Variants in KDM4C observed in about 807,000 individuals in gnomAD.
KDM4C encodes lysine-specific demethylase 4C.
A neutral mutation model predicts 129.3 loss-of-function variants in KDM4C; 81 were observed. The ratio of observed to expected loss-of-function variants is 0.63; its 90% confidence interval spans 0.52 to 0.75. KDM4C has a LOEUF of 0.75. Among genes scored for constraint, KDM4C ranks in the 30% least tolerant of loss-of-function variants. The pLI is 0.00. For missense variants in KDM4C, 1,457 were observed against 1,304.0 expected (o/e 1.12, Z -1.81); for synonymous variants, 573 against 456.1 (o/e 1.26, Z -3.26).
At chr9:6,986,318 T>C in intron 10 of KDM4C, 26 bp from the exon 11 acceptor site, 2 of 1,511,432 alleles carry the variant, frequency 1.3e-6, no homozygotes, top group Non-Finnish European at 1.8e-6. Context: ...GCATGATTTA[T>C]TAACAGTCTT....
At chr9:6,739,235 G>A (rs1817615155) in intron 1 of KDM4C, among the ~76,000 whole-genome samples, 2 of 151,566 alleles carry the variant, frequency 1.3e-5, no homozygotes, top group Non-Finnish European at 2.9e-5. Context: ...TCCATGCCCA[G>A]CTAATTTTTG....
chr9:6,863,981 C>T (rs537886340), intron 5 of KDM4C, among the ~76,000 whole-genome samples: 8 of 152,236 alleles, frequency 5.3e-5, no homozygotes, highest in Admixed American at 3.9e-4. Context: ...CATTGAGGAT[C>T]AGCTTTCAAC....
At chr9:7,164,272 C>A (rs1339235586) in intron 19 of KDM4C, among the ~76,000 whole-genome samples, 1 of 151,172 alleles carries the variant, frequency 6.6e-6, no homozygotes, top group Non-Finnish European at 1.5e-5. Context: ...TCAATACATA[C>A]AAATTTAAAA....
chr9:6,792,329 C>T (rs936118085), intron 1 of KDM4C, among the ~76,000 whole-genome samples: 7 of 151,840 alleles, frequency 4.6e-5, no homozygotes, highest in South Asian at 2.1e-4. Context: ...GGCAATATAG[C>T]GAGACTGTCT....
intron 18 of KDM4C, among the ~76,000 whole-genome samples, chr9:7,108,329 T>C (rs942919729): frequency 8.5e-5 from 13 of 152,264 alleles, no homozygotes; most frequent in African/African-American, 2.9e-4. Context: ...CTCTGCTTCC[T>C]GGGCTCAAGT....
chr9:6,910,344 T>G (rs2131072739), intron 8 of KDM4C, among the ~76,000 whole-genome samples: 1 of 152,350 alleles, frequency 6.6e-6, no homozygotes, highest in Admixed American at 6.5e-5. Flanking sequence ...TACATTAACT[T>G]GTTTAATTTT....
At chr9:6,803,665 A>G (rs999911568) in intron 2 of KDM4C, among the ~76,000 whole-genome samples, 1 of 151,762 alleles carries the variant, frequency 6.6e-6, no homozygotes, top group East Asian at 1.9e-4. Flanking sequence ...TAATTCCAGC[A>G]CTTTGGGAGG....
intron 4 of KDM4C, among the ~76,000 whole-genome samples, chr9:6,833,783 C>T (rs564027624): frequency 5.3e-5 from 8 of 152,210 alleles, no homozygotes; most frequent in Non-Finnish European, 1.2e-4. Context: ...GATAGTTATT[C>T]ACTAGCTGAT....
intron 18 of KDM4C, among the ~76,000 whole-genome samples, chr9:7,111,569 C>G (rs1172114204): frequency 4.6e-5 from 7 of 152,030 alleles, no homozygotes; most frequent in Non-Finnish European, 1.0e-4. Flanking sequence ...GGATACAAAG[C>G]CAGGCAATCT....
intron 15 of KDM4C, among the ~76,000 whole-genome samples, chr9:7,024,024 G>A (rs569571757): frequency 6.6e-6 from 1 of 152,048 alleles, no homozygotes; most frequent in South Asian, 2.1e-4. Context: ...TTTTTTGAAC[G>A]TTTGAAGACA....
intron 1 of KDM4C, among the ~76,000 whole-genome samples, chr9:6,775,105 C>G (rs767101118): frequency 6.6e-6 from 1 of 152,202 alleles, no homozygotes; most frequent in Non-Finnish European, 1.5e-5. Flanking sequence ...CAACCTCTGC[C>G]TCCTGGACTC....
At chr9:6,951,018 C>T (rs12684006) in intron 8 of KDM4C, among the ~76,000 whole-genome samples, 38,840 of 151,904 alleles carry the variant, frequency 0.26, 5,505 homozygotes, top group South Asian at 0.42. Context: ...CATTCTTTAA[C>T]ATTTTTAAAT....
intron 1 of KDM4C, among the ~76,000 whole-genome samples, chr9:6,766,112 A>C (rs1820576966): frequency 6.6e-6 from 1 of 152,220 alleles, no homozygotes; most frequent in Admixed American, 6.5e-5. Context: ...AAAATATATG[A>C]AAATATATTG....
intron 8 of KDM4C, among the ~76,000 whole-genome samples, chr9:6,923,438 T>C (rs984196800): frequency 2.0e-5 from 3 of 152,234 alleles, no homozygotes; most frequent in African/African-American, 7.2e-5. Flanking sequence ...GCTTGAATTT[T>C]AAGATTAATA....
chr9:6,818,831 A>G (rs2131191486), intron 4 of KDM4C: 1 of 152,336 alleles, frequency 6.6e-6, no homozygotes, highest in East Asian at 1.9e-4. Context: ...CCACACCAGT[A>G]TTAGAGAAGT....
chr9:6,983,255 C>T (rs1312560160), intron 9 of KDM4C, among the ~76,000 whole-genome samples: 1 of 152,146 alleles, frequency 6.6e-6, no homozygotes, highest in Non-Finnish European at 1.5e-5. Context: ...GTGTATAATA[C>T]ATATGGGTGT....
intron 5 of KDM4C, among the ~76,000 whole-genome samples, chr9:6,869,902 A>G (rs866410651): frequency 3.9e-5 from 6 of 152,282 alleles, no homozygotes; most frequent in Admixed American, 3.3e-4. Context: ...TTAACTAACA[A>G]GACTTCATAA....
At chr9:7,012,004 C>A in intron 13 of KDM4C, 125 bp downstream of exon 13, 1 of 703,810 alleles carries the variant, frequency 1.4e-6, no homozygotes, top group Non-Finnish European at 2.4e-6. Flanking sequence ...CCTTAGGTAG[C>A]TGATGGCTTT....
At chr9:7,011,351 A>G (rs1212135972) in intron 12 of KDM4C, among the ~76,000 whole-genome samples, 1 of 152,232 alleles carries the variant, frequency 6.6e-6, no homozygotes, top group African/African-American at 2.4e-5. Flanking sequence ...AATCTCATAC[A>G]CATAAACCTG....
Sources: allele counts gnomAD v4.1 joint callset (sites outside exome capture counted in the v4.1 genomes callset), GRCh38; gene constraint gnomAD v4.1.1; transcripts MANE v1.5; gene names NCBI Gene and HGNC (gene_info 2026-07-23, HGNC 2026-07-21).